The following ELN variants were observed in gnomAD, a reference collection of about 807,000 sequenced individuals.
ELN encodes elastin, also known as tropoelastin.
A neutral mutation model predicts 105.8 loss-of-function variants in ELN; 65 were observed. The ratio of observed to expected loss-of-function variants is 0.61; its 90% confidence interval spans 0.50 to 0.75. The LOEUF (loss-of-function observed/expected upper bound fraction) is 0.75. Ranked by LOEUF, ELN falls within the 30% of genes least tolerant of loss-of-function variation. The probability of loss-of-function intolerance (pLI) is 0.00; values close to 1 mark genes in which losing one functional copy is unlikely to be tolerated. For missense variants in ELN, 882 were observed against 969.4 expected (o/e 0.91, Z 1.20); for synonymous variants, 368 against 389.2 (o/e 0.95, Z 0.64).
chr7:74,058,976 G>A (rs895390625), intron 22 of ELN, among the ~76,000 whole-genome samples: 3 of 152,062 alleles, frequency 2.0e-5, no homozygotes, highest in African/African-American at 7.2e-5. Flanking sequence ...AGGTTGGAGT[G>A]CAGTGATGCC....
chr7:74,068,887 C>A lies in ELN; in HGVS notation c.*187C>A. On this transcript the variant is annotated 3_prime_UTR_variant, in exon 33 of 33. Transcript: ENST00000252034. ...AGAGGGGAGCGGCCAAGTGCCCCGACCAGGAGGCCCCCTACTTCAGAGGCA... is the reference window on the plus strand; with the variant it reads ...AGAGGGGAGCGGCCAAGTGCCCCGAACAGGAGGCCCCCTACTTCAGAGGCA... The A allele has an allele frequency of 1.5e-6, 1 of 680,012 alleles. No homozygotes were observed. The highest frequency in any genetic ancestry group is 2.6e-6 in the Non-Finnish European group (1 of 385,184). The allele number at this position is 680,012 out of a possible 1,614,324, so 42.1% of individuals were successfully genotyped here. A position where few individuals can be genotyped will look rare whatever the true frequency, so the allele number is the denominator to read the frequency against.
intron 15 of ELN, among the ~76,000 whole-genome samples, 189 bp from the exon 16 acceptor site, chr7:74,051,561 C>A (rs1554675991): frequency 6.6e-6 from 1 of 152,130 alleles, no homozygotes; most frequent in East Asian, 1.9e-4. Context: ...TTGAAATGGA[C>A]ACTTTGGGGG....
intron 22 of ELN, 51 bp downstream of exon 22, chr7:74,057,747 G>A (rs781888751): frequency 1.3e-6 from 2 of 1,599,006 alleles, no homozygotes; most frequent in South Asian, 2.2e-5. Flanking sequence ...GCTTTCTCCT[G>A]TGCCCTGCTC....
At chr7:74,056,613 G>T (rs782549136) in intron 20 of ELN, 59 bp from the exon 21 acceptor site, 26 of 1,612,778 alleles carry the variant, frequency 1.6e-5, no homozygotes, top group South Asian at 2.2e-5. Context: ...TTTAAACACG[G>T]CTCGGAGGAG....
rs138512339 is a variant in ELN, at chr7:74,032,714, C to G, written c.83-2650C>G. 1.4e-4 allele frequency among the ~76,000 whole-genome samples: 22 copies of G among 152,116 alleles called. No homozygotes were observed. The East Asian group carries it at 3.7e-3, about 25-fold the overall frequency. On this transcript the variant is annotated intron_variant, in intron 1 of 32. Coordinates refer to ENST00000252034, the MANE Select transcript of ELN (RefSeq NM_000501.4). ...GGGGAGGGGAAGCTAAGTCTTCCCC[C>G]CAGAAAGTGCCTGGGGTGCAGGAGG...
At chr7:74,036,655 G>C in intron 3 of ELN, 71 bp downstream of exon 3, 8 of 1,608,842 alleles carry the variant, frequency 5.0e-6, no homozygotes, top group Non-Finnish European at 6.8e-6. Flanking sequence ...TGCATCCTCA[G>C]ACCTGAGAAC....
chr7:74,059,850 G>C, intron 22 of ELN, 36 bp from the exon 23 acceptor site: 2 of 955,626 alleles, frequency 2.1e-6, no homozygotes, highest in Non-Finnish European at 3.5e-6. Flanking sequence ...CTTTGATCAG[G>C]TCTTGGTTAA....
chr7:74,048,510 C>T lies in ELN; in HGVS notation c.753C>T (p.Gly251=), dbSNP rs1554673943. 3 of 1,613,892 alleles carry T rather than the reference C, an allele frequency of 1.9e-6. No individual in the cohort carries two copies. The highest frequency in any genetic ancestry group is 2.7e-5 in the African/African-American group (2 of 74,866). Residue 251 remains glycine (G), a synonymous_variant, in exon 15 of 33, where the codon GGC becomes GGT. Transcript: ENST00000252034. The stretch of plus-strand genomic sequence containing the variant: ...TCTGCTTCCTTCCCCCAGGGGTTGG[C>T]CCCCAGGCAGCAGCAGCAGCGGCAG... The part of the protein sequence containing the change: ...KAGYPTGTGV[G]PQAAAAAAAK...
In ELN at chr7:74,050,639, A is replaced by T. The variant is rs192512087; in HGVS notation, c.800-1111A>T. Among the ~76,000 whole-genome samples, 347 of 150,044 alleles carry T rather than the reference A, an allele frequency of 2.3e-3. 2 individuals carry two copies. Among genetic ancestry groups the T allele is most frequent in the Non-Finnish European group, 3.2e-3 (218 of 67,574 alleles). On this transcript the variant is annotated intron_variant, in intron 15 of 32. Coordinates refer to ENST00000252034, the MANE Select transcript of ELN (RefSeq NM_000501.4). Reference sequence around the variant, plus strand: ...CATTCATTCATTCATTCATTCATTCATTCTTTCCTCCATGCATTCATCCAT... The same window carrying T: ...CATTCATTCATTCATTCATTCATTCTTTCTTTCCTCCATGCATTCATCCAT...
chr7:74,049,844 TCATC>T (rs1793522030), intron 15 of ELN, among the ~76,000 whole-genome samples: 1 of 133,632 alleles, frequency 7.5e-6, no homozygotes, highest in South Asian at 2.5e-4. Flanking sequence ...ATCCATCCAT[TCATC>T]CATCCACTCA....
chr7:74,059,986 T>C lies in ELN; in HGVS notation c.1515T>C (p.Pro505=), dbSNP rs1796247629. 5.0e-6 allele frequency: 8 copies of C among 1,613,730 alleles called. No homozygotes were observed. Among genetic ancestry groups the C allele is most frequent in the Non-Finnish European group, 6.8e-6 (8 of 1,179,916 alleles). The change falls in exon 23 of 33, where the codon CCT becomes CCC. Residue 505 remains proline, a synonymous_variant. Transcript: ENST00000252034. ...TGGCTCCTGGAGTTGGCGTGGCTCC[T>C]GGAGTTGGTGTGGCTCCTGGCGTTG... The part of the protein sequence containing the change: ...VGLAPGVGVA[P]GVGVAPGVGV...
chr7:74,054,576 G>T, intron 18 of ELN, 140 bp from the exon 19 acceptor site: 1 of 836,084 alleles, frequency 1.2e-6, no homozygotes, highest in Non-Finnish European at 2.0e-6. Context: ...GGACATCAGT[G>T]CATAAATGGA....
chr7:74,036,531 C>G (rs377436019), intron 2 of ELN, 24 bp from the exon 3 acceptor site: 4 of 1,613,492 alleles, frequency 2.5e-6, no homozygotes, highest in Non-Finnish European at 3.4e-6. Flanking sequence ...GATGATCTCT[C>G]TTTCTCTTTC....
intron 11 of ELN, 65 bp downstream of exon 11, chr7:74,046,282 G>C (rs1415206867): frequency 6.2e-7 from 1 of 1,609,408 alleles, no homozygotes. Flanking sequence ...GTTGGGAGGG[G>C]TTGGGCACCC....
At chr7:74,066,063 C>T (rs1367904488) in intron 31 of ELN, 66 bp downstream of exon 31, 7 of 1,608,446 alleles carry the variant, frequency 4.4e-6, no homozygotes, top group Non-Finnish European at 6.0e-6. Flanking sequence ...GCCTGTCCAT[C>T]TAGCAGTGGG....
intron 1 of ELN, among the ~76,000 whole-genome samples, chr7:74,031,756 TA>T (rs1788693889): frequency 6.7e-6 from 1 of 150,246 alleles, no homozygotes; most frequent in Non-Finnish European, 1.5e-5. Flanking sequence ...CGTCTCTATT[TA>T]AAAAATAAAT....
Position 74,051,750 on chromosome 7 carries a change from G to A in ELN, c.800G>A (p.Gly267Asp), listed in dbSNP as rs782383264. The change falls in exon 16 of 33, where the codon GGT (glycine) becomes GAT (aspartate). Residue 267 changes from glycine to aspartate, a missense_variant and splice_region_variant. Gly to Asp is a moderately conservative substitution (Grantham distance 94). Coordinates refer to ENST00000252034, the MANE Select transcript of ELN (RefSeq NM_000501.4). ...AAAAKAAAKF[G>D]AGAAGVLPGV... Reference sequence around the variant, plus strand: ...CATTGCACTGTCCCCATCTCAACAGGTGCTGGAGCAGCCGGAGTCCTCCCT... The same window carrying A: ...CATTGCACTGTCCCCATCTCAACAGATGCTGGAGCAGCCGGAGTCCTCCCT... The A allele has an allele frequency of 3.7e-6, 6 of 1,614,210 alleles. No homozygotes were observed. In the South Asian group the frequency reaches 6.6e-5, roughly 18 times the overall value.
Position 74,063,447 on chromosome 7 carries a change from C to T in ELN, c.1918+78C>T, listed in dbSNP as rs1324787379. 1.3e-6 allele frequency: 2 copies of T among 1,563,256 alleles called. No individual in the cohort carries two copies. Among genetic ancestry groups the T allele is most frequent in the Admixed American group, 1.9e-5 (1 of 52,380 alleles). On this transcript the variant is annotated intron_variant, in intron 28 of 32. Transcript: ENST00000252034. This position sits in a 1 kb window ranked among gnomAD's most constrained non-coding sequence, Gnocchi z 4.1. Reference sequence around the variant, plus strand: ...TGTGGGAGGAGCTTCTGACCAGGCACTGTAGACTCAGAGTCCCTGCCCCAG... The same window carrying T: ...TGTGGGAGGAGCTTCTGACCAGGCATTGTAGACTCAGAGTCCCTGCCCCAG...
chr7:74,054,741 TAAGGCAGCTGCA>T lies in ELN; in HGVS notation c.1131_1142del (p.Ala378_Ala381del). ...GGGTTGTGTCACCAGAAGCAGCTGC[TAAGGCAGCTGCA>T]AAGGCAGCCAAATACGGTGAGTGCT... On this transcript the variant is annotated inframe_deletion, in exon 19 of 33. Transcript: ENST00000252034. 6.2e-7 allele frequency: 1 copy of T among 1,614,078 alleles called. No individual in the cohort carries two copies. The highest frequency in any genetic ancestry group is 8.5e-7 in the Non-Finnish European group (1 of 1,179,978).
Sources: allele counts gnomAD v4.1 joint callset (sites outside exome capture counted in the v4.1 genomes callset), GRCh38; gene constraint gnomAD v4.1.1; non-coding constraint Gnocchi (gnomAD v3.1); transcripts MANE v1.5; gene names NCBI Gene and HGNC (gene_info 2026-07-23, HGNC 2026-07-21).